Variants in OPRM1 observed in about 807,000 individuals in gnomAD.
OPRM1 encodes mu-type opioid receptor.
OPRM1 carries 27 observed loss-of-function variants against 31.8 expected under a neutral mutation model. The observed-to-expected ratio is 0.85, with a 90% CI of 0.63 to 1.17. The LOEUF (loss-of-function observed/expected upper bound fraction) is 1.17, where lower values mean the gene tolerates loss of function less well. Ranked by LOEUF, OPRM1 falls within the 50% of genes most tolerant of loss-of-function variation. The pLI is 0.00. For synonymous variants in OPRM1, 196 were observed against 189.9 expected (o/e 1.03, Z -0.26); for missense variants, 536 against 511.1 (o/e 1.05, Z -0.47).
intron 3 of OPRM1, among the ~76,000 whole-genome samples, chr6:154,242,934 G>A (rs1780715396): frequency 6.6e-6 from 1 of 152,074 alleles, no homozygotes; most frequent in Non-Finnish European, 1.5e-5. Flanking sequence ...GCAGAGAGAG[G>A]AAGCCAAATT....
chr6:154,156,272 A>G (rs1326181472), intron 3 of OPRM1: 1 of 152,236 alleles, frequency 6.6e-6, no homozygotes, highest in Non-Finnish European at 1.5e-5. Context: ...TCAAATGGAG[A>G]ATTTAGCCAA....
At chr6:154,222,271 G>T (rs1442327596) in intron 3 of OPRM1, among the ~76,000 whole-genome samples, 1 of 152,252 alleles carries the variant, frequency 6.6e-6, no homozygotes, top group African/African-American at 2.4e-5. Context: ...CAGGGTTTTT[G>T]TAAATAGCCA....
Position 154,201,723 on chromosome 6 carries a change from C to T in OPRM1, c.1165-44970C>T, listed in dbSNP as rs573111281. ...CAGCCTGGCCAACATGGCGAAACCCCGTCTCTACTAAAAATACAAAAATTA... is the reference window on the plus strand; with the variant it reads ...CAGCCTGGCCAACATGGCGAAACCCTGTCTCTACTAAAAATACAAAAATTA... On this transcript the variant is annotated intron_variant, in intron 3 of 3. Coordinates refer to the OPRM1 transcript ENST00000337049. Among the ~76,000 whole-genome samples the T allele has an allele frequency of 2.6e-4, 40 of 152,112 alleles. 1 individual carries two copies. In the South Asian group the frequency reaches 3.9e-3, roughly 15 times the overall value.
chr6:154,094,323 T>TTACC, intron 3 of OPRM1: 6 of 770,556 alleles, frequency 7.8e-6, no homozygotes, highest in Non-Finnish European at 1.2e-5. Context: ...ATCAAGGTAA[T>TTACC]TTGATAAGCC....
chr6:154,119,015 T>C lies in OPRM1; in HGVS notation c.*294T>C. 1 of 1,146,340 alleles carries C rather than the reference T, an allele frequency of 8.7e-7. No individual in the cohort carries two copies. The allele number at this position is 1,146,340 out of a possible 1,614,324, so 71.0% of individuals were successfully genotyped here. A position where few individuals can be genotyped will look rare whatever the true frequency, so the allele number is the denominator to read the frequency against. On this transcript the variant is annotated 3_prime_UTR_variant, in exon 4 of 4. Transcript: ENST00000330432. ...TGTGAATTGAAGTCATCATAAAAGG[T>C]GACCCTTCTGTCTGTAAGATTTTAT... is the stretch of plus-strand genomic sequence containing the variant.
chr6:154,160,625 G>A (rs1177322694), intron 3 of OPRM1, among the ~76,000 whole-genome samples: 1 of 151,992 alleles, frequency 6.6e-6, no homozygotes, highest in Non-Finnish European at 1.5e-5. Flanking sequence ...ACAACCTATT[G>A]GTGCTATTCC....
intron 1 of OPRM1, among the ~76,000 whole-genome samples, chr6:154,077,375 C>T (rs1346397619): frequency 6.6e-6 from 1 of 151,838 alleles, no homozygotes; most frequent in East Asian, 2.0e-4. Flanking sequence ...ACCTCGGCCT[C>T]CCAAAGTGCT....
At chr6:154,099,348 C>T (rs201713846) in intron 3 of OPRM1, among the ~76,000 whole-genome samples, 8 of 125,070 alleles carry the variant, frequency 6.4e-5, no homozygotes, top group African/African-American at 2.2e-4. Flanking sequence ...AGGAAGAGAG[C>T]GAGAGAGAGA....
chr6:154,074,884 T>C (rs1787535168), intron 1 of OPRM1, among the ~76,000 whole-genome samples: 1 of 151,952 alleles, frequency 6.6e-6, no homozygotes. Context: ...AAAACTAAAA[T>C]GTATCTATTA....
At chr6:154,054,425 C>T (rs1195586777) in intron 1 of OPRM1, among the ~76,000 whole-genome samples, 5 of 150,864 alleles carry the variant, frequency 3.3e-5, no homozygotes, top group African/African-American at 9.7e-5. Context: ...ATCAGAATCT[C>T]CAGGGGCAGC....
chr6:154,151,014 C>T (rs1798485557), intron 3 of OPRM1, among the ~76,000 whole-genome samples: 1 of 152,224 alleles, frequency 6.6e-6, no homozygotes, highest in African/African-American at 2.4e-5. Context: ...GACACTGCCC[C>T]AGCTGGTCCA....
intron 3 of OPRM1, among the ~76,000 whole-genome samples, chr6:154,174,389 A>T (rs755528861): frequency 3.9e-5 from 6 of 152,322 alleles, no homozygotes; most frequent in Admixed American, 1.3e-4. Flanking sequence ...AATTGGATAG[A>T]GTCAAGACCC....
At position 154,087,055 on chromosome 6, in the gene OPRM1, T is replaced by G. The variant is rs563681916; in HGVS notation, c.291-2771T>G. ...AAGTCCAAACTAAAAGCAAATTATT[T>G]TCTCTCCTCAAGTTAAATGGCTCTA... On this transcript the variant is annotated intron_variant, in intron 1 of 3. Coordinates refer to ENST00000330432, the MANE Select transcript of OPRM1 (RefSeq NM_000914.5). 1.2e-5 allele frequency: 12 copies of G among 984,048 alleles called. No individual in the cohort carries two copies. In the South Asian group the frequency reaches 4.7e-4, roughly 39 times the overall value. 61.0% of individuals were successfully genotyped at this position (984,048 alleles called of 1,614,324 possible).
At position 154,064,417 on chromosome 6, in the gene OPRM1, T is replaced by C. The variant is rs190831950; in HGVS notation, c.290+24583T>C. 1.9e-3 allele frequency among the ~76,000 whole-genome samples: 296 copies of C among 152,284 alleles called. 1 individual carries two copies. The highest frequency in any genetic ancestry group is 6.8e-3 in the Middle Eastern group (2 of 294). On this transcript the variant is annotated intron_variant, in intron 1 of 3. Coordinates refer to ENST00000330432, the MANE Select transcript of OPRM1 (RefSeq NM_000914.5). ...CCTTCTCAGATATATGATTTCCAAATATATTTCTCATTCTGTAGGTTGCCT... is the reference window on the plus strand; with the variant it reads ...CCTTCTCAGATATATGATTTCCAAACATATTTCTCATTCTGTAGGTTGCCT...
At chr6:154,014,637 C>T (rs779998579) in intron 1 of OPRM1, among the ~76,000 whole-genome samples, 9 of 151,834 alleles carry the variant, frequency 5.9e-5, no homozygotes, top group South Asian at 2.1e-4. Context: ...TCCTTGAATA[C>T]GTTACTGCTG....
chr6:154,197,300 TTTGA>T (rs1168213676), intron 3 of OPRM1, among the ~76,000 whole-genome samples: 1 of 152,046 alleles, frequency 6.6e-6, no homozygotes, highest in African/African-American at 2.4e-5. Flanking sequence ...CAATATGAAA[TTTGA>T]TTACTCAACA....
At chr6:154,153,395 G>C (rs570546265) in intron 3 of OPRM1, among the ~76,000 whole-genome samples, 1 of 152,080 alleles carries the variant, frequency 6.6e-6, no homozygotes, top group African/African-American at 2.4e-5. Flanking sequence ...TTGCTTAAAA[G>C]AGCCCCGGCC....
rs117860990 is a variant in OPRM1, at chr6:154,091,140, C to A, written c.832C>A (p.Arg278=). The change falls in exon 3 of 4, where the codon CGA becomes AGA. Residue 278 remains arginine, a synonymous_variant. Coordinates refer to ENST00000330432, the MANE Select transcript of OPRM1 (RefSeq NM_000914.5). The part of the protein sequence containing the change: ...SGSKEKDRNL[R]RITRMVLVVV... ...CTCCAAAGAAAAGGACAGGAATCTT[C>A]GAAGGATCACCAGGATGGTGCTGGT... 2.0e-4 allele frequency: 330 copies of A among 1,614,144 alleles called. No homozygotes were observed. The highest frequency in any genetic ancestry group is 2.7e-4 in the Non-Finnish European group (313 of 1,180,020).
intron 3 of OPRM1, among the ~76,000 whole-genome samples, chr6:154,141,017 C>G (rs1431829337): frequency 2.0e-5 from 3 of 152,204 alleles, no homozygotes; most frequent in Admixed American, 6.5e-5. Context: ...GGAGCCAAGG[C>G]AAAACCAGAA....
Sources: gnomAD v4.1 joint callset for allele counts (sites outside exome capture counted in the v4.1 genomes callset) on GRCh38, gnomAD v4.1.1 for gene constraint, MANE v1.5 for transcripts, NCBI Gene and HGNC (gene_info 2026-07-23, HGNC 2026-07-21) for gene names.